ZNF431: variants seen among roughly 807,000 people sequenced by gnomAD.
The protein encoded by ZNF431 is zinc finger protein 431.
In ZNF431, 34 loss-of-function variants were observed where a neutral mutation model predicts 57.0. That is an observed-to-expected ratio of 0.60 (90% confidence interval 0.45 to 0.79). ZNF431 has a LOEUF of 0.79. Ranked by LOEUF, ZNF431 falls within the 30% of genes least tolerant of loss-of-function variation. The probability of loss-of-function intolerance (pLI) is 0.00; values close to 1 mark genes in which losing one functional copy is unlikely to be tolerated. For synonymous variants in ZNF431, 207 were observed against 220.3 expected, an observed-to-expected ratio of 0.94 and a Z score of 0.54; for missense variants, 607 against 667.1, an observed-to-expected ratio of 0.91 and a Z score of 0.99.
chr19:21,178,539 T>C (rs1261947934), intron 4 of ZNF431, among the ~76,000 whole-genome samples: 1 of 152,212 alleles, frequency 6.6e-6, no homozygotes, highest in African/African-American at 2.4e-5. Context: ...TCGAAGGCCT[T>C]TTCCGCATTT....
rs1254584675 is a variant in ZNF431, at chr19:21,184,709, A to G, written c.*675A>G. On this transcript the variant is annotated 3_prime_UTR_variant, in exon 5 of 5. Transcript: ENST00000311048. ...TTTATACTTGAGATAAATTATACAA[A>G]TATAAAGACTGTGAAAAAGCCATCA... 5 of 152,520 alleles carry G rather than the reference A, an allele frequency of 3.3e-5. No homozygotes were observed. Among genetic ancestry groups the G allele is most frequent in the Non-Finnish European group, 5.9e-5 (4 of 68,050 alleles). 9.4% of individuals were successfully genotyped at this position (152,520 alleles called of 1,614,324 possible).
chr19:21,162,151 T>G (rs1364688395), intron 2 of ZNF431, among the ~76,000 whole-genome samples: 1 of 137,978 alleles, frequency 7.2e-6, no homozygotes, highest in Non-Finnish European at 1.6e-5. Flanking sequence ...TAATTGTGTG[T>G]GTGTGTGTGT....
chr19:21,185,131 A>C lies in ZNF431; in HGVS notation c.*1097A>C, dbSNP rs1481325029. 6.6e-6 allele frequency: 1 copy of C among 152,216 alleles called. No individual in the cohort carries two copies. Among genetic ancestry groups the C allele is most frequent in the African/African-American group, 2.4e-5 (1 of 41,466 alleles). 9.4% of individuals were successfully genotyped at this position (152,216 alleles called of 1,614,324 possible). On this transcript the variant is annotated 3_prime_UTR_variant, in exon 5 of 5. Coordinates refer to ENST00000311048, the MANE Select transcript of ZNF431 (RefSeq NM_133473.4). ...TTAATCCATAATTAAGTCTATGCAA[A>C]TATCAGAGAATTTATGGTAGAAATA...
In ZNF431 at chr19:21,183,070, G is replaced by A; in HGVS notation, c.767G>A (p.Gly256Glu). ...TLTRHKRIHT[G>E]EKPFKCEECG... The stretch of plus-strand genomic sequence containing the variant: ...ACTAGACACAAGAGAATTCATACTG[G>A]AGAGAAACCCTTCAAATGTGAAGAA... The change falls in exon 5 of 5, where the codon GGA becomes GAA. Residue 256 changes from glycine (G) to glutamate (E), a missense_variant. By Grantham distance (98) the Gly-to-Glu change is moderately conservative. Transcript: ENST00000311048. 6.2e-7 allele frequency: 1 copy of A among 1,614,024 alleles called. No individual in the cohort carries two copies. Among genetic ancestry groups the A allele is most frequent in the African/African-American group, 1.3e-5 (1 of 75,044 alleles).
intron 2 of ZNF431, among the ~76,000 whole-genome samples, chr19:21,145,168 G>A (rs537090738): frequency 6.6e-5 from 10 of 152,280 alleles, no homozygotes; most frequent in African/African-American, 2.2e-4. Context: ...CTAATATTGA[G>A]CCTACAAAAG....
At chr19:21,166,215 T>G (rs1286911602) in intron 2 of ZNF431, 120 bp from the exon 3 acceptor site, 1 of 1,407,490 alleles carries the variant, frequency 7.1e-7, no homozygotes, top group African/African-American at 1.5e-5. Context: ...ATAATTTCAG[T>G]TATTCTTATA....
At chr19:21,164,716 G>A (rs545013654) in intron 2 of ZNF431, among the ~76,000 whole-genome samples, 14 of 152,096 alleles carry the variant, frequency 9.2e-5, no homozygotes, top group African/African-American at 3.1e-4. Flanking sequence ...AGTGCCATGT[G>A]TTTAGTACTT....
intron 4 of ZNF431, among the ~76,000 whole-genome samples, chr19:21,171,779 G>A (rs1193760677): frequency 1.4e-5 from 2 of 139,958 alleles, no homozygotes; most frequent in Non-Finnish European, 3.0e-5. Flanking sequence ...GGTGTGCAGT[G>A]GCACAATCTC....
At chr19:21,174,298 A>G (rs1310275107) in intron 4 of ZNF431, among the ~76,000 whole-genome samples, 1 of 151,966 alleles carries the variant, frequency 6.6e-6, no homozygotes, top group Non-Finnish European at 1.5e-5. Context: ...TCTTACTGAT[A>G]TTTTATCTGA....
intron 2 of ZNF431, among the ~76,000 whole-genome samples, chr19:21,161,753 A>G (rs1039902588): frequency 2.0e-5 from 3 of 152,054 alleles, no homozygotes; most frequent in Non-Finnish European, 4.4e-5. Flanking sequence ...TCCCTGGTTC[A>G]AGTGATTCTC....
At chr19:21,170,706 A>G (rs1346132401) in intron 4 of ZNF431, among the ~76,000 whole-genome samples, 1 of 150,036 alleles carries the variant, frequency 6.7e-6, no homozygotes, top group Admixed American at 6.7e-5. Flanking sequence ...TGGAGTGTCA[A>G]TCTGTCACCC....
intron 4 of ZNF431, among the ~76,000 whole-genome samples, chr19:21,171,882 G>A (rs1300448103): frequency 2.7e-5 from 4 of 150,578 alleles, no homozygotes; most frequent in Non-Finnish European, 4.4e-5. Flanking sequence ...CACCATGCCC[G>A]GCTAATTTTT....
chr19:21,150,510 G>A, intron 2 of ZNF431: 1 of 176,384 alleles, frequency 5.7e-6, no homozygotes, highest in Non-Finnish European at 1.2e-5. Flanking sequence ...GGAGCCCAGG[G>A]CCAGGAAAGC....
At chr19:21,181,410 C>G (rs1326293819) in intron 4 of ZNF431, among the ~76,000 whole-genome samples, 1 of 151,962 alleles carries the variant, frequency 6.6e-6, no homozygotes. Context: ...CTATATCACA[C>G]AGTTTCCTTC....
At chr19:21,156,206 C>T (rs1478023574) in intron 2 of ZNF431, among the ~76,000 whole-genome samples, 1 of 152,262 alleles carries the variant, frequency 6.6e-6, no homozygotes, top group East Asian at 1.9e-4. Context: ...CCACAGCAAC[C>T]TGTTTTCCCC....
At chr19:21,169,961 T>C in intron 4 of ZNF431, 1 of 397,634 alleles carries the variant, frequency 2.5e-6, no homozygotes, top group Non-Finnish European at 4.4e-6. Context: ...TCTTAGACTG[T>C]AACTGGGAGG....
rs542948040 is a variant in ZNF431, at chr19:21,186,484, A to C, written c.*2450A>C. ...TGAGTTTGTACATATTTTCAGAAGG[A>C]AAGAATGATACGGGAACAAAAATCA... On this transcript the variant is annotated 3_prime_UTR_variant, in exon 5 of 5. Transcript: ENST00000311048. 1 of 152,200 alleles carries C rather than the reference A, an allele frequency of 6.6e-6. No homozygotes were observed. Among genetic ancestry groups the C allele is most frequent in the African/African-American group, 2.4e-5 (1 of 41,452 alleles). 9.4% of individuals were successfully genotyped at this position (152,200 alleles called of 1,614,324 possible).
rs1971580349 is a variant in ZNF431 at position 21,195,078 on chromosome 19, C to T, written c.*11044C>T. ...AACATTTGCAGGCTCATGAGAGCTG[C>T]CTGACAAAAAGCGTGTAAACAACAG... is the stretch of plus-strand genomic sequence containing the variant. On this transcript the variant is annotated 3_prime_UTR_variant, in exon 5 of 5. Coordinates refer to ENST00000311048, the MANE Select transcript of ZNF431 (RefSeq NM_133473.4). 6.6e-6 allele frequency: 1 copy of T among 152,168 alleles called. No homozygotes were observed. The highest frequency in any genetic ancestry group is 2.4e-5 in the African/African-American group (1 of 41,432). The allele number at this position is 152,168 out of a possible 1,614,324, so 9.4% of individuals were successfully genotyped here. A position where few individuals can be genotyped will look rare whatever the true frequency, so the allele number is the denominator to read the frequency against.
chr19:21,184,169 G>A lies in ZNF431; in HGVS notation c.*135G>A. 1 of 715,344 alleles carries A rather than the reference G, an allele frequency of 1.4e-6. No individual in the cohort carries two copies. Among genetic ancestry groups the A allele is most frequent in the South Asian group, 2.3e-5 (1 of 42,714 alleles). The allele number at this position is 715,344 out of a possible 1,614,324, so 44.3% of individuals were successfully genotyped here. ...GATCGAGACCATCCTGGCCAACATG[G>A]TGAAACCCTGTCTCTACTAAAAATA... On this transcript the variant is annotated 3_prime_UTR_variant, in exon 5 of 5. Transcript: ENST00000311048.
Sources: gnomAD v4.1 joint callset for allele counts (sites outside exome capture counted in the v4.1 genomes callset) on GRCh38, gnomAD v4.1.1 for gene constraint, MANE v1.5 for transcripts, NCBI Gene and HGNC (gene_info 2026-07-23, HGNC 2026-07-21) for gene names.